Variants in KMT2E observed in about 807,000 individuals in gnomAD.
The protein encoded by KMT2E is histone reader KMT2E.
Under a neutral mutation model 184.6 loss-of-function variants are expected in KMT2E, and 30 were observed. That is an observed-to-expected ratio of 0.16 (90% confidence interval 0.12 to 0.22). KMT2E has a LOEUF of 0.22. KMT2E is among the 10% of genes least tolerant of loss of function. The probability of loss-of-function intolerance (pLI) is 1.00; values close to 1 mark genes in which losing one functional copy is unlikely to be tolerated. For synonymous variants in KMT2E, 815 were observed against 776.5 expected, an observed-to-expected ratio of 1.05 and a Z score of -0.82; for missense variants, 2,023 against 2,237.4, an observed-to-expected ratio of 0.90 and a Z score of 1.93.
At chr7:105,052,258 C>G (rs534631547) in intron 3 of KMT2E, among the ~76,000 whole-genome samples, 1 of 152,114 alleles carries the variant, frequency 6.6e-6, no homozygotes. Context: ...ACTTTGTACT[C>G]GTGATTTCCT....
chr7:105,069,227 T>G (rs1229983224), intron 6 of KMT2E, among the ~76,000 whole-genome samples: 1 of 152,220 alleles, frequency 6.6e-6, no homozygotes, highest in African/African-American at 2.4e-5. Context: ...TTTCATCTGT[T>G]TCTTTAAGAT....
At chr7:105,095,571 C>T (rs907231944) in intron 15 of KMT2E, among the ~76,000 whole-genome samples, 1 of 152,136 alleles carries the variant, frequency 6.6e-6, no homozygotes, top group Non-Finnish European at 1.5e-5. Context: ...TTACCTCTAC[C>T]CCTTTTGGCC....
At chr7:105,074,274 C>G (rs541666164) in intron 7 of KMT2E, among the ~76,000 whole-genome samples, 5 of 152,236 alleles carry the variant, frequency 3.3e-5, no homozygotes, top group African/African-American at 9.6e-5. Context: ...GCTGTTTTAT[C>G]TTTGGCTAGA....
rs1219163985 is a variant in KMT2E at position 105,107,603 on chromosome 7, C to T, written c.3146C>T (p.Pro1049Leu). ...LETPAHDRAE[P>L]NSQLDSTHSG... ...ACGCCTGCACATGACAGGGCTGAGC[C>T]CAACAGCCAACTGGACTCGACTCAC... Residue 1049 changes from proline (P) to leucine (L), a missense_variant, in exon 22 of 27, where the codon CCC becomes CTC. By Grantham distance (98) the Pro-to-Leu change is moderately conservative. Transcript: ENST00000311117. 1 of 1,613,992 alleles carries T rather than the reference C, an allele frequency of 6.2e-7. No individual in the cohort carries two copies. Among genetic ancestry groups the T allele is most frequent in the African/African-American group, 1.3e-5 (1 of 74,900 alleles).
rs1481308285 is a variant in KMT2E at position 105,106,767 on chromosome 7, T to G, written c.2842T>G (p.Phe948Val). The G allele has an allele frequency of 5.0e-6, 8 of 1,609,686 alleles. No individual in the cohort carries two copies. The highest frequency in any genetic ancestry group is 5.9e-6 in the Non-Finnish European group (7 of 1,177,600). Residue 948 changes from phenylalanine to valine, a missense_variant, in exon 20 of 27, where the codon TTT becomes GTT. By Grantham distance (50) the Phe-to-Val change is conservative. This residue lies in a region of KMT2E where 514 missense variants were observed against 621.8 expected (regional missense o/e 0.83). Transcript: ENST00000311117. ...TGGTACACCAGGAAATACCATGCAC[T>G]TTGAGGTGAGAAATTTTAATGGAGA... is the stretch of plus-strand genomic sequence containing the variant. ...TPGTPGNTMH[F>V]ENISSPESSP...
rs778347576 is a variant in KMT2E at position 105,077,445 on chromosome 7, T to G, written c.1130+12T>G. ...TATTTCTTTAAAAGGTATATTCATT[T>G]ATTTTCCCATGTTCATTTTCTGTAG... On this transcript the variant is annotated intron_variant, in intron 11 of 26. Transcript: ENST00000311117. 16 of 1,587,946 alleles carry G rather than the reference T, an allele frequency of 1.0e-5. No individual in the cohort carries two copies. Among genetic ancestry groups the G allele is most frequent in the Admixed American group, 1.8e-5 (1 of 56,882 alleles).
At chr7:105,074,383 C>T (rs570731117) in intron 7 of KMT2E, among the ~76,000 whole-genome samples, 9 of 152,206 alleles carry the variant, frequency 5.9e-5, no homozygotes, top group African/African-American at 9.6e-5. Context: ...AATTTCCACT[C>T]GTAGTGTATG....
At chr7:105,032,149 T>A (rs1452226477) in intron 1 of KMT2E, among the ~76,000 whole-genome samples, 1 of 147,424 alleles carries the variant, frequency 6.8e-6, no homozygotes, top group Non-Finnish European at 1.5e-5. Context: ...TTAAGTAAGT[T>A]AAAGATAAAT....
In KMT2E at chr7:105,113,603, T is replaced by A; in HGVS notation, c.*270T>A. 1 of 302,068 alleles carries A rather than the reference T, an allele frequency of 3.3e-6. No individual in the cohort carries two copies. The highest frequency in any genetic ancestry group is 6.0e-6 in the Non-Finnish European group (1 of 165,854). 18.7% of individuals were successfully genotyped at this position (302,068 alleles called of 1,614,324 possible). ...TGCTGATTTGATGCTGTATGATCTT[T>A]TTTTTTTTTTTAGTTAAATTCATTT... On this transcript the variant is annotated 3_prime_UTR_variant, in exon 27 of 27. Coordinates refer to ENST00000311117, the MANE Select transcript of KMT2E (RefSeq NM_182931.3).
chr7:105,057,990 G>A (rs892897885), intron 3 of KMT2E, among the ~76,000 whole-genome samples: 1 of 152,150 alleles, frequency 6.6e-6, no homozygotes, highest in African/African-American at 2.4e-5. Flanking sequence ...TGCTTGAAAT[G>A]TCTCTTGAAT....
rs1797555948 is a variant in KMT2E at position 105,076,980 on chromosome 7, T to G, written c.786T>G (p.Ile262Met). ...GATTTTAGGGTTCAGCTCCAGAGATTGATCCTTCATCTGATGGTTCAAATT... is the reference window on the plus strand; with the variant it reads ...GATTTTAGGGTTCAGCTCCAGAGATGGATCCTTCATCTGATGGTTCAAATT... ...SSRVKGSAPE[I>M]DPSSDGSNFG... Residue 262 changes from isoleucine (I) to methionine (M), a missense_variant, in exon 10 of 27, where the codon ATT becomes ATG. Coordinates refer to ENST00000311117, the MANE Select transcript of KMT2E (RefSeq NM_182931.3). 1 of 1,607,770 alleles carries G rather than the reference T, an allele frequency of 6.2e-7. No homozygotes were observed. The highest frequency in any genetic ancestry group is 1.7e-5 in the Admixed American group (1 of 59,680).
intron 1 of KMT2E, among the ~76,000 whole-genome samples, chr7:105,031,626 C>T (rs763088714): frequency 4.7e-5 from 7 of 148,390 alleles, no homozygotes; most frequent in Non-Finnish European, 8.9e-5. Context: ...GTGGCGGGCA[C>T]CTGTAATGCC....
intron 6 of KMT2E, among the ~76,000 whole-genome samples, chr7:105,069,778 C>G (rs1170667071): frequency 6.6e-6 from 1 of 152,176 alleles, no homozygotes; most frequent in Non-Finnish European, 1.5e-5. Context: ...ATAGAACATT[C>G]CTGTCACTGC....
intron 3 of KMT2E, among the ~76,000 whole-genome samples, chr7:105,043,910 A>G (rs749015004): frequency 6.6e-6 from 1 of 152,104 alleles, no homozygotes; most frequent in Non-Finnish European, 1.5e-5. Flanking sequence ...GGGTAATACA[A>G]TGAGACCCTG....
intron 3 of KMT2E, among the ~76,000 whole-genome samples, chr7:105,059,721 G>A (rs186045547): frequency 1.3e-4 from 20 of 151,970 alleles, no homozygotes; most frequent in Admixed American, 9.8e-4. Context: ...ATATATTTTC[G>A]GATTTTAAAA....
chr7:105,069,797 A>G (rs1270255791), intron 6 of KMT2E, among the ~76,000 whole-genome samples: 1 of 152,178 alleles, frequency 6.6e-6, no homozygotes, highest in Non-Finnish European at 1.5e-5. Context: ...GCCAGGAGTC[A>G]TGCTACCCTT....
chr7:105,046,216 A>G (rs1163146368), intron 3 of KMT2E, among the ~76,000 whole-genome samples: 1 of 152,158 alleles, frequency 6.6e-6, no homozygotes, highest in Non-Finnish European at 1.5e-5. Flanking sequence ...CGTCTTATTC[A>G]TATATTCTAT....
At position 105,021,421 on chromosome 7, in the gene KMT2E, C is replaced by T. The variant is rs954598721; in HGVS notation, c.-189+6886C>T. Reference sequence around the variant, plus strand: ...AGACTGTCCCTGCTTTGAGAGAACCCGTAGTTTATTTCACCTTCTTAAAAG... The same window carrying T: ...AGACTGTCCCTGCTTTGAGAGAACCTGTAGTTTATTTCACCTTCTTAAAAG... On this transcript the variant is annotated intron_variant, in intron 1 of 26. Transcript: ENST00000311117. 6.6e-5 allele frequency among the ~76,000 whole-genome samples: 10 copies of T among 152,252 alleles called. No individual in the cohort carries two copies. In the South Asian group the frequency reaches 8.3e-4, roughly 13 times the overall value.
chr7:105,098,810 A>C (rs1205220227), intron 15 of KMT2E, among the ~76,000 whole-genome samples: 1 of 152,152 alleles, frequency 6.6e-6, no homozygotes, highest in Non-Finnish European at 1.5e-5. Context: ...GAAAACCATA[A>C]ACTAAGACAT....
Sources: allele counts gnomAD v4.1 joint callset (sites outside exome capture counted in the v4.1 genomes callset), GRCh38; gene constraint gnomAD v4.1.1; regional missense constraint gnomAD v4.1.1; transcripts MANE v1.5; gene names NCBI Gene and HGNC (gene_info 2026-07-23, HGNC 2026-07-21).